The following NLGN1 variants were observed in gnomAD, a reference collection of about 807,000 sequenced individuals.
The protein encoded by NLGN1 is neuroligin-1.
A neutral mutation model predicts 65.5 loss-of-function variants in NLGN1; 12 were observed. That is an observed-to-expected ratio of 0.18 (90% CI 0.12 to 0.30). The LOEUF (loss-of-function observed/expected upper bound fraction) is 0.30. Among genes scored for constraint, NLGN1 ranks in the 10% least tolerant of loss-of-function variants. NLGN1 has a pLI of 1.00. For missense variants in NLGN1, 750 were observed against 1,007.1 expected (o/e 0.74, Z 3.46); for synonymous variants, 350 against 359.5 (o/e 0.97, Z 0.30).
intron 3 of NLGN1, chr3:173,685,587 A>T: frequency 1.1e-6 from 1 of 935,686 alleles, no homozygotes; most frequent in Non-Finnish European, 1.3e-6. Flanking sequence ...AAAAGAGGTT[A>T]TTAAAGTTCA....
intron 2 of NLGN1, among the ~76,000 whole-genome samples, chr3:173,547,857 A>C (rs1314902182): frequency 6.6e-6 from 1 of 152,018 alleles, no homozygotes; most frequent in Non-Finnish European, 1.5e-5. Context: ...TTTCTATTAC[A>C]GGGGGGTAGG....
At chr3:174,000,942 G>A (rs897985965) in intron 4 of NLGN1, among the ~76,000 whole-genome samples, 8 of 152,056 alleles carry the variant, frequency 5.3e-5, no homozygotes, top group Non-Finnish European at 7.4e-5. Flanking sequence ...AGGTTATCCC[G>A]GGAGCCCAGT....
chr3:173,610,328 T>G (rs952176857), intron 3 of NLGN1, among the ~76,000 whole-genome samples: 1 of 151,924 alleles, frequency 6.6e-6, no homozygotes, highest in East Asian at 1.9e-4. Flanking sequence ...AGTACAAAAA[T>G]AAGTTTAGTT....
At chr3:173,784,735 C>G (rs951456547) in intron 3 of NLGN1, among the ~76,000 whole-genome samples, 1 of 144,764 alleles carries the variant, frequency 6.9e-6, no homozygotes, top group African/African-American at 2.8e-5. Context: ...CACATGGTGT[C>G]AAAGACATTC....
chr3:174,114,291 T>G (rs966642946), intron 4 of NLGN1, among the ~76,000 whole-genome samples: 2 of 152,130 alleles, frequency 1.3e-5, no homozygotes, highest in East Asian at 1.9e-4. Flanking sequence ...GTAGCAAACA[T>G]ATTTTATAAA....
chr3:173,572,774 G>C (rs925558357), intron 2 of NLGN1, among the ~76,000 whole-genome samples: 1 of 152,168 alleles, frequency 6.6e-6, no homozygotes. Flanking sequence ...CCTTTCAGGA[G>C]GATTTTGCTT....
chr3:173,616,114 A>G (rs1178300677), intron 3 of NLGN1, among the ~76,000 whole-genome samples: 3 of 2,138 alleles, frequency 1.4e-3, no homozygotes, highest in Middle Eastern at 0.062. Flanking sequence ...TGAGATTTTG[A>G]AATAGAAGTT....
chr3:173,934,308 TTAA>T (rs1445297632), intron 4 of NLGN1, among the ~76,000 whole-genome samples: 2 of 149,324 alleles, frequency 1.3e-5, no homozygotes, highest in Admixed American at 6.7e-5. Context: ...CTAATATTAT[TTAA>T]TAATAAACCA....
chr3:173,728,849 T>C (rs1000857894), intron 3 of NLGN1, among the ~76,000 whole-genome samples: 6 of 151,970 alleles, frequency 3.9e-5, no homozygotes, highest in African/African-American at 1.4e-4. Context: ...TGCTGGCAGG[T>C]TGATTTCAGA....
chr3:173,429,454 C>T (rs750200070), intron 1 of NLGN1, among the ~76,000 whole-genome samples: 1 of 152,166 alleles, frequency 6.6e-6, no homozygotes, highest in Admixed American at 6.5e-5. Flanking sequence ...AATAGTTGAT[C>T]TGAGAGGTAA....
intron 3 of NLGN1, chr3:173,685,752 A>G: frequency 2.0e-6 from 2 of 985,428 alleles, no homozygotes; most frequent in South Asian, 4.7e-5. Flanking sequence ...GTGACTCTGA[A>G]GCATGTGCTG....
At chr3:174,265,763 C>CTATATATATATGTGTA (rs1298436001) in intron 4 of NLGN1, among the ~76,000 whole-genome samples, 14 of 125,654 alleles carry the variant, frequency 1.1e-4, no homozygotes, top group African/African-American at 4.7e-4. Flanking sequence ...ACTAAGAAGG[C>CTATATATATATGTGTA]TATATATATA....
exon 3 of NLGN1, chr3:173,604,675 G>C: frequency 6.2e-7 from 1 of 1,613,724 alleles, no homozygotes; most frequent in Non-Finnish European, 8.5e-7. Context: ...CGGGGATTGG[G>C]TGCCCCATTG....
intron 4 of NLGN1, among the ~76,000 whole-genome samples, chr3:174,266,846 TTTTTC>T (rs1748346515): frequency 6.6e-6 from 1 of 152,174 alleles, no homozygotes. Flanking sequence ...TTTAAAAACT[TTTTTC>T]TTTTAATTCT....
intron 3 of NLGN1, among the ~76,000 whole-genome samples, chr3:173,613,839 G>C (rs1284975080): frequency 2.6e-5 from 4 of 151,916 alleles, no homozygotes; most frequent in African/African-American, 9.7e-5. Context: ...ATGACGAAAA[G>C]AAAATAAAAG....
intron 4 of NLGN1, among the ~76,000 whole-genome samples, chr3:173,995,222 A>G (rs561043879): frequency 1.3e-5 from 2 of 152,322 alleles, no homozygotes; most frequent in East Asian, 3.9e-4. Flanking sequence ...AATTGTTCCA[A>G]AGGAAGAAAC....
upstream of NLGN1, among the ~76,000 whole-genome samples, chr3:173,397,336 ACCATGG>A (rs1716778859): frequency 6.6e-6 from 1 of 152,082 alleles, no homozygotes; most frequent in Non-Finnish European, 1.5e-5. Flanking sequence ...CACCTTTTAC[ACCATGG>A]CCAGTCGCTT....
At chr3:173,623,592 C>T (rs79597491) in intron 3 of NLGN1, among the ~76,000 whole-genome samples, 4,187 of 152,086 alleles carry the variant, frequency 0.028, 88 homozygotes, top group Middle Eastern at 0.044. Context: ...GTGACCATCA[C>T]GTGGCTGCAG....
chr3:173,935,583 A>G (rs1380185206), intron 4 of NLGN1, among the ~76,000 whole-genome samples: 1 of 149,478 alleles, frequency 6.7e-6, no homozygotes, highest in Non-Finnish European at 1.5e-5. Context: ...TGTCATGAGA[A>G]TATACAGTCT....
Sources: allele counts gnomAD v4.1 joint callset (sites outside exome capture counted in the v4.1 genomes callset), GRCh38; gene constraint gnomAD v4.1.1; transcripts MANE v1.5; gene names NCBI Gene and HGNC (gene_info 2026-07-23, HGNC 2026-07-21).